Variants in EPB41L4B observed in about 807,000 individuals in gnomAD.
EPB41L4B encodes the protein erythrocyte membrane protein band 4.1 like 4B.
EPB41L4B carries 30 observed loss-of-function variants against 112.5 expected under a neutral mutation model. That is an observed-to-expected ratio of 0.27 (90% CI 0.20 to 0.36). The LOEUF is 0.36. EPB41L4B is among the 10% of genes least tolerant of loss of function. The pLI, the probability that EPB41L4B is intolerant of heterozygous loss-of-function variation, is 1.00. For synonymous variants in EPB41L4B, 408 were observed against 439.7 expected, an observed-to-expected ratio of 0.93 and a Z score of 0.90; for missense variants, 1,024 against 1,133.3, an observed-to-expected ratio of 0.90 and a Z score of 1.38.
intron 1 of EPB41L4B, among the ~76,000 whole-genome samples, chr9:109,315,627 G>A (rs1317275236): frequency 6.6e-6 from 1 of 152,110 alleles, no homozygotes; most frequent in Non-Finnish European, 1.5e-5. Flanking sequence ...TGACTGAAGG[G>A]AAGTCACTTT....
intron 1 of EPB41L4B, among the ~76,000 whole-genome samples, chr9:109,308,669 C>T (rs1837305506): frequency 6.6e-6 from 1 of 152,180 alleles, no homozygotes; most frequent in South Asian, 2.1e-4. Flanking sequence ...AAGTGATCCT[C>T]CCATCTCAGC....
intron 23 of EPB41L4B, 94 bp downstream of exon 23, chr9:109,185,395 C>T: frequency 9.6e-7 from 1 of 1,039,008 alleles, no homozygotes; most frequent in South Asian, 1.3e-5. Flanking sequence ...AGATCTGGGG[C>T]TTCTGCACGC....
intron 14 of EPB41L4B, among the ~76,000 whole-genome samples, chr9:109,244,324 G>GGAT (rs759541170): frequency 4.9e-4 from 74 of 151,660 alleles, no homozygotes; most frequent in Non-Finnish European, 8.0e-4. Flanking sequence ...TGAGAAGAAG[G>GGAT]GATGAGGGGA....
intron 2 of EPB41L4B, among the ~76,000 whole-genome samples, chr9:109,273,667 C>CA (rs1226287295): frequency 6.6e-6 from 1 of 152,192 alleles, no homozygotes; most frequent in Non-Finnish European, 1.5e-5. Context: ...CAAGCCCCCC[C>CA]ACACCCCCAG....
In EPB41L4B at chr9:109,185,207, C is replaced by A. The variant is rs577584629; in HGVS notation, c.2418+282G>T. On this transcript the variant is annotated intron_variant, in intron 23 of 25. Transcript: ENST00000374566. ...CTGGTGAGTACCAAAGCATATATTT[C>A]TCTCTGGGGAAAGCATCTATGCTCA... Among the ~76,000 whole-genome samples, 130 of 152,342 alleles carry A rather than the reference C, an allele frequency of 8.5e-4. 2 individuals carry two copies. The highest frequency in any genetic ancestry group is 1.5e-3 in the Non-Finnish European group (104 of 68,036).
intron 1 of EPB41L4B, 22 bp from the exon 2 acceptor site, chr9:109,279,943 G>C (rs1335447910): frequency 6.3e-7 from 1 of 1,593,578 alleles, no homozygotes. Context: ...TTGGGAAGAT[G>C]AAAAAACTTA....
intron 8 of EPB41L4B, 80 bp from the exon 9 acceptor site, chr9:109,256,304 T>C (rs1161743760): frequency 2.2e-5 from 35 of 1,586,356 alleles, no homozygotes; most frequent in Non-Finnish European, 3.0e-5. Context: ...AAAAACAGTT[T>C]CCTCACCACA....
Position 109,214,758 on chromosome 9 carries a change from G to A in EPB41L4B, c.1634-940C>T, listed in dbSNP as rs113854579. ...AGGGAAGAATGAAGACCTTGGCAGGGGTCAGGATACGCAAGGTCTGTGTAT... is the reference window on the plus strand; with the variant it reads ...AGGGAAGAATGAAGACCTTGGCAGGAGTCAGGATACGCAAGGTCTGTGTAT... On this transcript the variant is annotated intron_variant, in intron 16 of 25. Coordinates refer to ENST00000374566, the MANE Select transcript of EPB41L4B (RefSeq NM_019114.5). 2.3e-3 allele frequency among the ~76,000 whole-genome samples: 355 copies of A among 152,124 alleles called. 2 individuals carry two copies. The highest frequency in any genetic ancestry group is 8.1e-3 in the African/African-American group (338 of 41,504).
chr9:109,196,337 T>G (rs1170820589), intron 20 of EPB41L4B: 1 of 152,310 alleles, frequency 6.6e-6, no homozygotes, highest in South Asian at 2.1e-4. Context: ...ACTTTTACAC[T>G]ATGTTTAAAT....
chr9:109,237,795 G>A (rs1377071089), intron 15 of EPB41L4B, among the ~76,000 whole-genome samples: 1 of 152,122 alleles, frequency 6.6e-6, no homozygotes, highest in Non-Finnish European at 1.5e-5. Context: ...GACTGGTAGT[G>A]GTGATGGTGG....
intron 24 of EPB41L4B, among the ~76,000 whole-genome samples, chr9:109,181,027 A>G (rs1034395779): frequency 6.6e-6 from 1 of 152,186 alleles, no homozygotes; most frequent in African/African-American, 2.4e-5. Flanking sequence ...TTTTTAAAAA[A>G]TCAAGACAGG....
At chr9:109,176,817 T>A (rs1831861442) in intron 24 of EPB41L4B, 121 bp from the exon 25 acceptor site, 1 of 1,147,912 alleles carries the variant, frequency 8.7e-7, no homozygotes, top group African/African-American at 1.6e-5. Context: ...CTAAAATCGA[T>A]TGTCATTTTA....
At chr9:109,249,676 G>A (rs1368163351) in intron 13 of EPB41L4B, among the ~76,000 whole-genome samples, 1 of 152,032 alleles carries the variant, frequency 6.6e-6, no homozygotes, top group South Asian at 2.1e-4. Context: ...TTAAAAGCAA[G>A]ACACCCCGAC....
rs983821210 is a variant in EPB41L4B, at chr9:109,188,457, C to T, written c.2302-2852G>A. 1.2e-4 allele frequency among the ~76,000 whole-genome samples: 18 copies of T among 152,244 alleles called. No homozygotes were observed. In the East Asian group the frequency reaches 3.5e-3, roughly 29 times the overall value. The stretch of plus-strand genomic sequence containing the variant: ...CACATCCTGGCAGGAGAGTGATCTC[C>T]ACCCACCCAAAACAGCCACGAAAGA... On this transcript the variant is annotated intron_variant, in intron 22 of 25. Transcript: ENST00000374566.
intron 14 of EPB41L4B, among the ~76,000 whole-genome samples, chr9:109,245,717 T>C (rs1260523503): frequency 6.6e-6 from 1 of 152,212 alleles, no homozygotes; most frequent in Non-Finnish European, 1.5e-5. Context: ...TCAAATACCC[T>C]TCACGGTATT....
intron 1 of EPB41L4B, among the ~76,000 whole-genome samples, chr9:109,294,098 A>C (rs1256958358): frequency 1.3e-5 from 2 of 151,340 alleles, no homozygotes; most frequent in East Asian, 4.0e-4. Context: ...CGAGGTCAGG[A>C]GATCGAGACC....
At position 109,218,130 on chromosome 9, in the gene EPB41L4B, T is replaced by A. The variant is rs1352064909; in HGVS notation, c.1410-985A>T. ...ATATCTCTAATACTAATAATTCTTTTTTTTTTTTTTTTTTTGGCAGTGTCT... is the reference window on the plus strand; with the variant it reads ...ATATCTCTAATACTAATAATTCTTTATTTTTTTTTTTTTTTGGCAGTGTCT... On this transcript the variant is annotated intron_variant, in intron 15 of 25. Transcript: ENST00000374566. Among the ~76,000 whole-genome samples the A allele has an allele frequency of 2.5e-4, 32 of 126,170 alleles. No homozygotes were observed. The South Asian group carries it at 8.7e-3, about 34-fold the overall frequency. 82.8% of individuals were successfully genotyped at this position (126,170 alleles called of 152,430 possible). A position where few individuals can be genotyped will look rare whatever the true frequency, so the allele number is the denominator to read the frequency against.
chr9:109,247,715 T>G (rs1437743338), intron 14 of EPB41L4B, 41 bp downstream of exon 14: 3 of 1,323,678 alleles, frequency 2.3e-6, no homozygotes, highest in East Asian at 2.6e-5. Context: ...ATTTTTAAAA[T>G]TTTCCTTCTT....
chr9:109,218,827 T>C (rs1012976283), intron 15 of EPB41L4B, among the ~76,000 whole-genome samples: 2 of 152,172 alleles, frequency 1.3e-5, no homozygotes, highest in African/African-American at 4.8e-5. Context: ...GATCCCTTCC[T>C]CTTATTCCCT....
Sources: allele counts gnomAD v4.1 joint callset (sites outside exome capture counted in the v4.1 genomes callset), GRCh38; gene constraint gnomAD v4.1.1; transcripts MANE v1.5; gene names NCBI Gene and HGNC (gene_info 2026-07-23, HGNC 2026-07-21).